THSD7B: variants seen among roughly 807,000 people sequenced by gnomAD.
THSD7B encodes the protein thrombospondin type-1 domain-containing protein 7B.
THSD7B carries 138 observed loss-of-function variants against 213.6 expected under a neutral mutation model. The observed-to-expected ratio is 0.65, with a 90% CI of 0.56 to 0.74. The LOEUF (loss-of-function observed/expected upper bound fraction) is 0.74. Among genes scored for constraint, THSD7B ranks in the 30% least tolerant of loss-of-function variants. The pLI, the probability that THSD7B is intolerant of heterozygous loss-of-function variation, is 0.00. For missense variants in THSD7B, 1,931 were observed against 1,991.5 expected, an observed-to-expected ratio of 0.97 and a Z score of 0.58; for synonymous variants, 742 against 687.0, an observed-to-expected ratio of 1.08 and a Z score of -1.25.
At chr2:136,835,434 AGC>A (rs2104950894) in intron 1 of THSD7B, among the ~76,000 whole-genome samples, 1 of 152,282 alleles carries the variant, frequency 6.6e-6, no homozygotes, top group African/African-American at 2.4e-5. Context: ...CTTTTAAATT[AGC>A]AATATTGATG....
rs776659179 is a variant in THSD7B, at chr2:137,232,954, C to T, written c.1971C>T (p.Asp657=). The T allele has an allele frequency of 1.7e-5, 27 of 1,613,928 alleles. 1 individual carries two copies. In the East Asian group the frequency reaches 2.2e-4, roughly 13 times the overall value. ...QALQEHRLCN[D]HSCMQLHWET... ...TCCAAGAGCATCGTTTGTGTAATGA[C>T]CATTCCTGTATGCAGCTTCACTGGG... The change falls in exon 9 of 28, where the codon GAC becomes GAT. Residue 657 remains aspartate, a synonymous_variant. Transcript: ENST00000409968.
chr2:136,885,440 G>T (rs1240377755), intron 2 of THSD7B, among the ~76,000 whole-genome samples: 1 of 152,144 alleles, frequency 6.6e-6, no homozygotes, highest in Non-Finnish European at 1.5e-5. Context: ...ATCTGTCAAG[G>T]CTGTTAAATG....
At chr2:137,116,603 G>A (rs1688450534) in intron 5 of THSD7B, among the ~76,000 whole-genome samples, 1 of 152,128 alleles carries the variant, frequency 6.6e-6, no homozygotes, top group African/African-American at 2.4e-5. Context: ...CTTTTAATCT[G>A]CTATTGACAT....
intron 2 of THSD7B, among the ~76,000 whole-genome samples, chr2:136,914,685 T>A (rs1470657376): frequency 6.6e-6 from 1 of 151,674 alleles, no homozygotes; most frequent in African/African-American, 2.4e-5. Flanking sequence ...GCCACAGCCA[T>A]GTAAAAAGTG....
intron 9 of THSD7B, among the ~76,000 whole-genome samples, chr2:137,239,246 T>C (rs1681845968): frequency 6.6e-6 from 1 of 152,166 alleles, no homozygotes. Flanking sequence ...TACATAACCA[T>C]AGTACATTAC....
At chr2:137,127,210 G>A (rs971604924) in intron 5 of THSD7B, among the ~76,000 whole-genome samples, 3 of 152,176 alleles carry the variant, frequency 2.0e-5, no homozygotes, top group Non-Finnish European at 2.9e-5. Context: ...TGTAAAAAAT[G>A]CAATAGCTGA....
chr2:137,148,839 C>G (rs114364876), intron 5 of THSD7B, among the ~76,000 whole-genome samples: 3 of 152,076 alleles, frequency 2.0e-5, no homozygotes, highest in African/African-American at 7.2e-5. Context: ...TGCAGCCTGA[C>G]GATGCCATTG....
chr2:137,187,361 C>T (rs1158247863), intron 7 of THSD7B, among the ~76,000 whole-genome samples: 3 of 152,206 alleles, frequency 2.0e-5, no homozygotes, highest in Non-Finnish European at 4.4e-5. Context: ...TACACAGTGA[C>T]TTGCCACATA....
At chr2:136,832,534 A>G (rs1187777076) in intron 1 of THSD7B, among the ~76,000 whole-genome samples, 1 of 152,162 alleles carries the variant, frequency 6.6e-6, no homozygotes. Context: ...ACTGATGTAA[A>G]TGCTAATTTT....
At position 136,879,382 on chromosome 2, in the gene THSD7B, A is replaced by G. The variant is rs1683580509; in HGVS notation, c.-35-2762A>G. Among the ~76,000 whole-genome samples the G allele has an allele frequency of 3.3e-5, 5 of 152,120 alleles. 1 individual carries two copies. The South Asian group carries it at 1.0e-3, about 31-fold the overall frequency. On this transcript the variant is annotated intron_variant, in intron 1 of 27. Transcript: ENST00000409968. The stretch of plus-strand genomic sequence containing the variant: ...TCCAGCTTTGTTTTTTTGGCTTAGG[A>G]TTGACTTGGCAATGTGTGCTCTTTT...
At position 137,115,116 on chromosome 2, in the gene THSD7B, C is replaced by T. The variant is rs1258835977; in HGVS notation, c.1200-8C>T. 5.6e-6 allele frequency: 9 copies of T among 1,613,770 alleles called. No individual in the cohort carries two copies. The highest frequency in any genetic ancestry group is 7.6e-6 in the Non-Finnish European group (9 of 1,179,842). Reference sequence around the variant, plus strand: ...TTCTTCTTCTTTTAAATAAACCAAACCAAACAGGTATTCCTGGAGAACTTC... The same window carrying T: ...TTCTTCTTCTTTTAAATAAACCAAATCAAACAGGTATTCCTGGAGAACTTC... On this transcript the variant is annotated splice_polypyrimidine_tract_variant and splice_region_variant and intron_variant, in intron 4 of 27. Transcript: ENST00000409968.
intron 2 of THSD7B, among the ~76,000 whole-genome samples, chr2:136,920,335 T>G (rs909358414): frequency 6.6e-6 from 1 of 152,170 alleles, no homozygotes; most frequent in Non-Finnish European, 1.5e-5. Context: ...GGAGGAGACC[T>G]GTAGTCGGTA....
At chr2:137,555,686 G>A (rs866178593) in intron 15 of THSD7B, among the ~76,000 whole-genome samples, 3 of 152,134 alleles carry the variant, frequency 2.0e-5, no homozygotes, top group South Asian at 2.1e-4. Context: ...GAACAAAGCT[G>A]GACAGAGAAT....
chr2:137,195,331 A>T (rs1026148013), intron 7 of THSD7B, among the ~76,000 whole-genome samples: 26 of 151,932 alleles, frequency 1.7e-4, no homozygotes, highest in African/African-American at 4.8e-4. Flanking sequence ...GAACTGAGAA[A>T]CTGCCACTTC....
In THSD7B at chr2:137,245,773, C is replaced by T. The variant is rs113066687; in HGVS notation, c.2266+3201C>T. ...TGTTGTGTAAAGAGATAGAGGAGTG[C>T]GGATTAAAATCTAGGCAGTGGATTT... is the stretch of plus-strand genomic sequence containing the variant. On this transcript the variant is annotated intron_variant, in intron 10 of 27. Coordinates refer to ENST00000409968, the MANE Select transcript of THSD7B (RefSeq NM_001316349.2). 7.1e-3 allele frequency among the ~76,000 whole-genome samples: 1,080 copies of T among 152,140 alleles called. 8 individuals are homozygous for T. The highest frequency in any genetic ancestry group is 0.025 in the African/African-American group (1,030 of 41,488).
At chr2:137,006,177 A>G (rs1686104846) in intron 2 of THSD7B, among the ~76,000 whole-genome samples, 1 of 152,122 alleles carries the variant, frequency 6.6e-6, no homozygotes, top group Admixed American at 6.5e-5. Flanking sequence ...GCAGATCACG[A>G]GGTCAGGAGA....
chr2:137,663,567 T>G lies in THSD7B; in HGVS notation c.4643T>G (p.Leu1548Arg). Residue 1548 changes from leucine (L) to arginine (R), a missense_variant, in exon 26 of 28, where the codon CTT becomes CGT. By Grantham distance (102) the Leu-to-Arg change is moderately radical. Transcript: ENST00000409968. ...DIFKGWSLQP[L>R]DPDGRVKIWV... ...TTTAAAGGATGGTCTCTTCAACCAC[T>G]TGATCCAGGTGAGTTTCAGTTGTGA... 2 of 1,604,848 alleles carry G rather than the reference T, an allele frequency of 1.2e-6. No individual in the cohort carries two copies. The highest frequency in any genetic ancestry group is 2.2e-5 in the South Asian group (2 of 88,930).
At chr2:137,268,415 G>C (rs995228394) in intron 10 of THSD7B, among the ~76,000 whole-genome samples, 1 of 148,878 alleles carries the variant, frequency 6.7e-6, no homozygotes, top group African/African-American at 2.5e-5. Context: ...TTGGTTTTCT[G>C]TCCTTGTGAT....
intron 2 of THSD7B, among the ~76,000 whole-genome samples, chr2:137,006,210 G>A (rs1186835179): frequency 3.9e-5 from 6 of 152,000 alleles, no homozygotes; most frequent in East Asian, 1.9e-4. Flanking sequence ...TGGCTAACAC[G>A]GTGAAACCCC....
Sources: allele counts gnomAD v4.1 joint callset (sites outside exome capture counted in the v4.1 genomes callset), GRCh38; gene constraint gnomAD v4.1.1; transcripts MANE v1.5; gene names NCBI Gene and HGNC (gene_info 2026-07-23, HGNC 2026-07-21).